ADGB: variants seen among roughly 807,000 people sequenced by gnomAD.
ADGB encodes the protein calpain-7-like protein.
In ADGB, 172 loss-of-function variants were observed where a neutral mutation model predicts 210.5. The observed-to-expected ratio is 0.82, with a 90% CI of 0.72 to 0.93. ADGB has a LOEUF of 0.93. Ranked by LOEUF, ADGB falls within the 40% of genes least tolerant of loss-of-function variation. The pLI is 0.00. For synonymous variants in ADGB, 658 were observed against 662.7 expected (o/e 0.99, Z 0.11); for missense variants, 2,025 against 1,964.8 (o/e 1.03, Z -0.58).
chr6:146,814,758 A>C (rs1778357109), intron 35 of ADGB, among the ~76,000 whole-genome samples: 1 of 152,184 alleles, frequency 6.6e-6, no homozygotes, highest in African/African-American at 2.4e-5. Flanking sequence ...GAAATCATTT[A>C]AACAGAATAC....
chr6:146,762,730 A>T (rs1275145316), intron 27 of ADGB, among the ~76,000 whole-genome samples: 1 of 151,900 alleles, frequency 6.6e-6, no homozygotes, highest in Non-Finnish European at 1.5e-5. Context: ...AGTTGCCATG[A>T]CTCTAGTGTT....
intron 1 of ADGB, among the ~76,000 whole-genome samples, chr6:146,628,262 T>C (rs925235372): frequency 6.6e-6 from 1 of 151,762 alleles, no homozygotes; most frequent in Non-Finnish European, 1.5e-5. Flanking sequence ...ATTAGAAACA[T>C]CTCCATATAA....
intron 26 of ADGB, among the ~76,000 whole-genome samples, chr6:146,751,615 A>G (rs1010311073): frequency 2.0e-5 from 3 of 152,036 alleles, no homozygotes; most frequent in Non-Finnish European, 4.4e-5. Flanking sequence ...AAGAGTTTCC[A>G]TTTCTCTGCA....
In ADGB at chr6:146,764,027, T is replaced by C. The variant is rs1777538885; in HGVS notation, c.3677T>C (p.Ile1226Thr). ...AGAGCTGTAAGTGCAATACAAGACA[T>C]TGGTCTACCCCTTGTGGAGGAGGAA... is the stretch of plus-strand genomic sequence containing the variant. ...KGRAVSAIQDIGLPLVEEETT... is the reference protein window; with the variant it reads ...KGRAVSAIQDTGLPLVEEETT... Residue 1226 changes from isoleucine to threonine, a missense_variant, in exon 28 of 36, where the codon ATT (isoleucine) becomes ACT (threonine). Ile to Thr is a moderately conservative substitution (Grantham distance 89, BLOSUM62 -1). Transcript: ENST00000397944. The C allele has an allele frequency of 3.9e-6, 6 of 1,551,344 alleles. No homozygotes were observed. In the South Asian group the frequency reaches 4.8e-5, roughly 12 times the overall value.
At position 146,710,684 on chromosome 6, in the gene ADGB, T is replaced by G. The variant is rs574455553; in HGVS notation, c.1708-4698T>G. Among the ~76,000 whole-genome samples, 6 of 152,244 alleles carry G rather than the reference T, an allele frequency of 3.9e-5. No homozygotes were observed. In the South Asian group the frequency reaches 1.2e-3, roughly 32 times the overall value. Reference sequence around the variant, plus strand: ...AGGAGAATGAATATCTGTCAACATTTTTTGAAATTTTAAAAAAAAAATTTA... The same window carrying G: ...AGGAGAATGAATATCTGTCAACATTGTTTGAAATTTTAAAAAAAAAATTTA... On this transcript the variant is annotated intron_variant, in intron 13 of 35. Coordinates refer to ENST00000397944, the MANE Select transcript of ADGB (RefSeq NM_024694.4).
At chr6:146,754,043 G>A (rs930437595) in intron 27 of ADGB, among the ~76,000 whole-genome samples, 6 of 151,274 alleles carry the variant, frequency 4.0e-5, no homozygotes, top group African/African-American at 1.4e-4. Flanking sequence ...GTTTTTAGGG[G>A]AGAGACATTC....
chr6:146,747,975 G>A (rs1777266365), intron 26 of ADGB, among the ~76,000 whole-genome samples: 1 of 151,530 alleles, frequency 6.6e-6, no homozygotes, highest in African/African-American at 2.4e-5. Flanking sequence ...TAGAGATCAG[G>A]TCTCACCATG....
In ADGB at chr6:146,672,256, A is replaced by G. The variant is rs77104188; in HGVS notation, c.876A>G (p.Lys292=). ...TGGACAAAGTTTGGGAGCTCCTGAA[A>G]GAAATATTGCCTGAGTTTAAGCTGT... The part of the protein sequence containing the change: ...GYMDKVWELL[K]EILPEFKLSD... Residue 292 remains lysine, a synonymous_variant, in exon 8 of 36, where the codon AAA becomes AAG. Coordinates refer to ENST00000397944, the MANE Select transcript of ADGB (RefSeq NM_024694.4). 0.06 allele frequency: 93,268 copies of G among 1,544,884 alleles called. 3,235 individuals are homozygous for G. The highest frequency in any genetic ancestry group is 0.076 in the Middle Eastern group (451 of 5,966).
intron 26 of ADGB, among the ~76,000 whole-genome samples, chr6:146,746,813 AAC>A (rs1420579695): frequency 1.3e-5 from 2 of 152,156 alleles, no homozygotes; most frequent in East Asian, 3.8e-4. Context: ...ACAGATGCCT[AAC>A]ACAGTGTGCT....
chr6:146,801,067 G>A, intron 33 of ADGB, 116 bp from the exon 34 acceptor site: 1 of 442,582 alleles, frequency 2.3e-6, no homozygotes, highest in Non-Finnish European at 3.9e-6. Context: ...CAAGTCCGGT[G>A]AATGAAAATA....
chr6:146,759,582 C>A (rs2114620051), intron 27 of ADGB, among the ~76,000 whole-genome samples: 1 of 151,780 alleles, frequency 6.6e-6, no homozygotes, highest in African/African-American at 2.4e-5. Flanking sequence ...TATGCGCAAT[C>A]TTTAAAATTC....
chr6:146,765,830 A>G (rs948383105), intron 28 of ADGB, among the ~76,000 whole-genome samples: 4 of 151,852 alleles, frequency 2.6e-5, no homozygotes, highest in African/African-American at 9.7e-5. Flanking sequence ...AAAATTCAAA[A>G]AAAGAACAGA....
chr6:146,759,951 A>G (rs982741273), intron 27 of ADGB, among the ~76,000 whole-genome samples: 3 of 151,698 alleles, frequency 2.0e-5, no homozygotes, highest in Non-Finnish European at 4.4e-5. Flanking sequence ...TTTTTTAATT[A>G]AAGTTAGCTA....
At chr6:146,771,265 C>G (rs1167694093) in intron 29 of ADGB, among the ~76,000 whole-genome samples, 1 of 152,032 alleles carries the variant, frequency 6.6e-6, no homozygotes, top group Non-Finnish European at 1.5e-5. Context: ...GTTTCCTGGA[C>G]CCACCTAATG....
intron 1 of ADGB, among the ~76,000 whole-genome samples, chr6:146,624,703 G>A (rs1430648117): frequency 6.6e-6 from 1 of 151,578 alleles, no homozygotes; most frequent in Non-Finnish European, 1.5e-5. Context: ...TTTGATACTT[G>A]ACTAGGTATT....
intron 1 of ADGB, among the ~76,000 whole-genome samples, chr6:146,618,000 T>G (rs1350339447): frequency 9.9e-5 from 15 of 152,070 alleles, no homozygotes; most frequent in Admixed American, 9.8e-4. Context: ...TAACACATAT[T>G]TTGTGTGTCA....
intron 35 of ADGB, 200 bp downstream of exon 35, chr6:146,802,211 T>C (rs2114666312): frequency 3.3e-6 from 1 of 303,042 alleles, no homozygotes; most frequent in Non-Finnish European, 5.8e-6. Context: ...CCCCCTAAAA[T>C]GCAGTATTGG....
intron 2 of ADGB, 58 bp from the exon 3 acceptor site, chr6:146,644,715 T>C (rs1775580596): frequency 2.8e-6 from 3 of 1,065,368 alleles, no homozygotes; most frequent in East Asian, 5.5e-5. Flanking sequence ...TTTATTAAAA[T>C]TGTTTTTTTA....
intron 35 of ADGB, among the ~76,000 whole-genome samples, chr6:146,812,450 A>T (rs189349210): frequency 2.2e-4 from 33 of 152,376 alleles, no homozygotes; most frequent in African/African-American, 7.2e-4. Flanking sequence ...ACATTTCTTT[A>T]AAGGGGGGAA....
Sources: allele counts gnomAD v4.1 joint callset (sites outside exome capture counted in the v4.1 genomes callset), GRCh38; gene constraint gnomAD v4.1.1; transcripts MANE v1.5; gene names NCBI Gene and HGNC (gene_info 2026-07-23, HGNC 2026-07-21).